SHANK2: variants seen among roughly 807,000 people sequenced by gnomAD.
The protein encoded by SHANK2 is SH3 and multiple ankyrin repeat domains 2.
Under a neutral mutation model 133.7 loss-of-function variants are expected in SHANK2, and 43 were observed. That is an observed-to-expected ratio of 0.32 (90% CI 0.25 to 0.41). The LOEUF (loss-of-function observed/expected upper bound fraction) is 0.41. Ranked by LOEUF, SHANK2 falls within the 10% of genes least tolerant of loss-of-function variation. The probability of loss-of-function intolerance (pLI) is 1.00; values close to 1 mark genes in which losing one functional copy is unlikely to be tolerated. For missense variants in SHANK2, 1,994 were observed against 2,235.8 expected, an observed-to-expected ratio of 0.89 and a Z score of 2.18; for synonymous variants, 1,017 against 952.8, an observed-to-expected ratio of 1.07 and a Z score of -1.24.
chr11:70,668,868 G>T (rs572594343), intron 15 of SHANK2: 1 of 152,434 alleles, frequency 6.6e-6, no homozygotes, highest in African/African-American at 2.4e-5. Flanking sequence ...ACCACACGGG[G>T]CTGCAGACGT....
chr11:70,866,020 G>T (rs562834372), intron 11 of SHANK2, among the ~76,000 whole-genome samples: 3 of 152,278 alleles, frequency 2.0e-5, no homozygotes, highest in South Asian at 4.1e-4. Flanking sequence ...GTTTCTTAGT[G>T]GGGGGCTGCC....
chr11:70,710,998 G>A (rs978872056), intron 14 of SHANK2, among the ~76,000 whole-genome samples: 1 of 151,638 alleles, frequency 6.6e-6, no homozygotes, highest in Non-Finnish European at 1.5e-5. Context: ...GATTGAAAAA[G>A]AGAGAGAGAG....
chr11:70,641,956 C>A (rs1423883759), intron 17 of SHANK2, among the ~76,000 whole-genome samples: 1 of 152,220 alleles, frequency 6.6e-6, no homozygotes, highest in African/African-American at 2.4e-5. Flanking sequence ...ACTAGGCAAT[C>A]CCACTGGGGA....
chr11:70,627,402 G>T (rs1442340887), intron 17 of SHANK2, among the ~76,000 whole-genome samples: 1 of 152,200 alleles, frequency 6.6e-6, no homozygotes, highest in Non-Finnish European at 1.5e-5. Flanking sequence ...GAGGGCAAAG[G>T]ACAGCACCCA....
intron 8 of SHANK2, among the ~76,000 whole-genome samples, chr11:71,084,033 AG>A (rs1421254245): frequency 1.9e-4 from 28 of 150,168 alleles, no homozygotes; most frequent in Non-Finnish European, 3.7e-4. Flanking sequence ...GCAGTGGCGC[AG>A]TCTCAGCTCG....
intron 10 of SHANK2, among the ~76,000 whole-genome samples, chr11:70,903,287 G>C (rs1044633525): frequency 1.3e-5 from 2 of 152,022 alleles, no homozygotes; most frequent in African/African-American, 4.8e-5. Context: ...CGAGGCAAAA[G>C]AATTGCTTGA....
At chr11:70,559,266 T>C (rs530456927) in intron 17 of SHANK2, among the ~76,000 whole-genome samples, 2 of 152,286 alleles carry the variant, frequency 1.3e-5, no homozygotes, top group South Asian at 4.1e-4. Flanking sequence ...GTGATCCACC[T>C]GCCTCGGCCT....
chr11:71,246,326 C>T (rs1954960571), intron 1 of SHANK2, among the ~76,000 whole-genome samples: 1 of 152,070 alleles, frequency 6.6e-6, no homozygotes, highest in African/African-American at 2.4e-5. Context: ...ACTCTAGGTG[C>T]TGACTCTGGA....
intron 4 of SHANK2, among the ~76,000 whole-genome samples, chr11:71,114,781 G>A (rs1287791369): frequency 6.6e-6 from 1 of 152,166 alleles, no homozygotes; most frequent in Non-Finnish European, 1.5e-5. Context: ...AGAAGCCACT[G>A]AGAATGATGC....
At chr11:70,880,030 T>C (rs1187922911) in intron 11 of SHANK2, among the ~76,000 whole-genome samples, 2 of 152,248 alleles carry the variant, frequency 1.3e-5, no homozygotes, top group Non-Finnish European at 2.9e-5. Flanking sequence ...GTAGATGCTG[T>C]GCAGCTCTCC....
intron 17 of SHANK2, among the ~76,000 whole-genome samples, chr11:70,648,887 G>A (rs1555009258): frequency 6.6e-6 from 1 of 152,174 alleles, no homozygotes; most frequent in African/African-American, 2.4e-5. Flanking sequence ...GCTCTGGGTG[G>A]TCCCTTATCT....
chr11:70,532,553 A>G (rs2059487651), intron 17 of SHANK2, among the ~76,000 whole-genome samples: 1 of 152,084 alleles, frequency 6.6e-6, no homozygotes, highest in Admixed American at 6.5e-5. Context: ...TGGAGTCACA[A>G]CCCAGAAAGA....
intron 2 of SHANK2, among the ~76,000 whole-genome samples, chr11:71,203,499 G>A (rs77433254): frequency 0.013 from 1,978 of 152,130 alleles, 41 homozygotes; most frequent in African/African-American, 0.046. Context: ...AGAAAGACTG[G>A]GTCCCCAGGA....
rs782805158 is a variant in SHANK2 at position 70,487,473 on chromosome 11, G to A, written c.2820C>T (p.Thr940=). The change falls in exon 25 of 26, where the codon ACC becomes ACT. Residue 940 remains threonine (T), a synonymous_variant. Transcript: ENST00000601538. This position sits in a 1 kb window ranked among gnomAD's most constrained non-coding sequence, Gnocchi z 5.8. Reference sequence around the variant, plus strand: ...CCTTCTCCCTCATCATGGTGGCCACGGTGTCGGACCTGGTGGCGGGGGACA... The same window carrying A: ...CCTTCTCCCTCATCATGGTGGCCACAGTGTCGGACCTGGTGGCGGGGGACA... ...AKVSPATRSD[T]VATMMREKGM... The A allele has an allele frequency of 3.9e-5, 63 of 1,613,904 alleles. No homozygotes were observed. Among genetic ancestry groups the A allele is most frequent in the Admixed American group, 2.3e-4 (14 of 59,986 alleles).
chr11:71,073,128 T>G (rs1345312043), intron 9 of SHANK2, among the ~76,000 whole-genome samples: 3 of 142,918 alleles, frequency 2.1e-5, no homozygotes, highest in African/African-American at 7.5e-5. Flanking sequence ...TTGCTTTTTG[T>G]TTTTTTTCTT....
chr11:70,481,922 G>T (rs1410935654), intron 25 of SHANK2, among the ~76,000 whole-genome samples: 1 of 151,342 alleles, frequency 6.6e-6, no homozygotes, highest in African/African-American at 2.4e-5. Flanking sequence ...CAGCCCTCAC[G>T]GCAAGGGGGA....
At chr11:70,836,782 C>T (rs1555060162) in intron 11 of SHANK2, among the ~76,000 whole-genome samples, 1 of 152,260 alleles carries the variant, frequency 6.6e-6, no homozygotes, top group African/African-American at 2.4e-5. Context: ...CTGAGGCTGA[C>T]TACAGTCACC....
At chr11:71,240,594 A>T (rs888403087) in intron 1 of SHANK2, among the ~76,000 whole-genome samples, 1 of 152,192 alleles carries the variant, frequency 6.6e-6, no homozygotes, top group African/African-American at 2.4e-5. Flanking sequence ...ATATAATTGG[A>T]GTCACAAATG....
At chr11:71,065,124 T>C (rs1276787196) in intron 9 of SHANK2, among the ~76,000 whole-genome samples, 1 of 152,048 alleles carries the variant, frequency 6.6e-6, no homozygotes, top group Admixed American at 6.5e-5. Context: ...TGACTGGGTT[T>C]GAGCAAGCAG....
Sources: gnomAD v4.1 joint callset for allele counts (sites outside exome capture counted in the v4.1 genomes callset) on GRCh38, gnomAD v4.1.1 for gene constraint, Gnocchi (gnomAD v3.1) non-coding constraint, MANE v1.5 for transcripts, NCBI Gene and HGNC (gene_info 2026-07-23, HGNC 2026-07-21) for gene names.